The following CDK17 variants were observed in gnomAD, a reference collection of about 807,000 sequenced individuals.
CDK17 encodes cyclin dependent kinase 17.
A neutral mutation model predicts 77.6 loss-of-function variants in CDK17; 24 were observed. The observed-to-expected ratio is 0.31, with a 90% CI of 0.22 to 0.44. CDK17 has a LOEUF of 0.44. Ranked by LOEUF, CDK17 falls within the 20% of genes least tolerant of loss-of-function variation. The probability of loss-of-function intolerance (pLI) is 1.00; values close to 1 mark genes in which losing one functional copy is unlikely to be tolerated. For missense variants in CDK17, 429 were observed against 622.5 expected, an observed-to-expected ratio of 0.69 and a Z score of 3.31; for synonymous variants, 203 against 210.4, an observed-to-expected ratio of 0.96 and a Z score of 0.30.
At chr12:96,333,709 C>T (rs1156659045) in intron 2 of CDK17, among the ~76,000 whole-genome samples, 3 of 149,986 alleles carry the variant, frequency 2.0e-5, no homozygotes, top group Admixed American at 6.7e-5. Flanking sequence ...TCAAGGAAAA[C>T]CTTAACAAAT....
chr12:96,385,303 GACTCTGTCT>G (rs1157915518), intron 1 of CDK17, among the ~76,000 whole-genome samples: 1 of 152,058 alleles, frequency 6.6e-6, no homozygotes, highest in Non-Finnish European at 1.5e-5. Flanking sequence ...GACAGAGTGA[GACTCTGTCT>G]CAAAAAACAA....
At chr12:96,280,766 A>T in intron 16 of CDK17, 42 bp downstream of exon 16, 1 of 1,602,026 alleles carries the variant, frequency 6.2e-7, no homozygotes, top group Non-Finnish European at 8.5e-7. Flanking sequence ...TTCCACGCAA[A>T]AATTCATGAT....
rs575939438 is a variant in CDK17, at chr12:96,317,278, C to A, written c.284-3824G>T. Among the ~76,000 whole-genome samples, 185 of 142,378 alleles carry A rather than the reference C, an allele frequency of 1.3e-3. 1 individual carries two copies. The highest frequency in any genetic ancestry group is 4.6e-3 in the African/African-American group (180 of 38,844). 93.4% of individuals were successfully genotyped at this position (142,378 alleles called of 152,430 possible). A position where few individuals can be genotyped will look rare whatever the true frequency, so the allele number is the denominator to read the frequency against. ...GAATAAAAAGAAATGAGCAAAGCCT[C>A]CAAGAAATATGGGACTATGTGAAAA... On this transcript the variant is annotated intron_variant, in intron 3 of 16. Coordinates refer to ENST00000261211, the MANE Select transcript of CDK17 (RefSeq NM_002595.5).
intron 1 of CDK17, among the ~76,000 whole-genome samples, chr12:96,345,793 GA>G (rs955669904): frequency 2.7e-5 from 4 of 150,300 alleles, no homozygotes; most frequent in African/African-American, 7.3e-5. Context: ...TTACAGAAAA[GA>G]AAAAAAACAA....
intron 3 of CDK17, among the ~76,000 whole-genome samples, chr12:96,317,572 G>A (rs2137115945): frequency 8.1e-6 from 1 of 123,290 alleles, no homozygotes; most frequent in Non-Finnish European, 1.7e-5. Flanking sequence ...CCCTCAAAGG[G>A]AAGCCCATCA....
chr12:96,334,277 T>C (rs1165180913), intron 2 of CDK17, among the ~76,000 whole-genome samples: 6 of 152,252 alleles, frequency 3.9e-5, no homozygotes, highest in Non-Finnish European at 8.8e-5. Flanking sequence ...ACTACTACTT[T>C]ATGTTGTAAA....
In CDK17 at chr12:96,286,033, A is replaced by G; in HGVS notation, c.1322+10T>C. The G allele has an allele frequency of 6.9e-7, 1 of 1,452,638 alleles. No individual in the cohort carries two copies. The highest frequency in any genetic ancestry group is 9.6e-7 in the Non-Finnish European group (1 of 1,041,642). The allele number at this position is 1,452,638 out of a possible 1,614,324, so 90.0% of individuals were successfully genotyped here. ...TGTTTTCCCCCCTTTCACATAAGAA[A>G]AAAAAATACCTGGGTGCGTGGTTAA... On this transcript the variant is annotated intron_variant, in intron 13 of 16. Transcript: ENST00000261211.
At chr12:96,338,402 G>C (rs769376352) in intron 1 of CDK17, among the ~76,000 whole-genome samples, 1 of 152,088 alleles carries the variant, frequency 6.6e-6, no homozygotes, top group Non-Finnish European at 1.5e-5. Context: ...TGAGTCCTTC[G>C]AGCAAATCAT....
Position 96,298,989 on chromosome 12 carries a change from AAATAT to A in CDK17, c.601-11_601-7del. 1 of 1,381,770 alleles carries A rather than the reference AAATAT, an allele frequency of 7.2e-7. No homozygotes were observed. Among genetic ancestry groups the A allele is most frequent in the Non-Finnish European group, 1.0e-6 (1 of 980,234 alleles). 85.6% of individuals were successfully genotyped at this position (1,381,770 alleles called of 1,614,324 possible). A position where few individuals can be genotyped will look rare whatever the true frequency, so the allele number is the denominator to read the frequency against. ...TATACTGTTGCATATGTACCCTATA[AAATAT>A]ATTTTTAAAGGACGCATCAAAAGTA... On this transcript the variant is annotated splice_polypyrimidine_tract_variant and splice_region_variant and intron_variant, in intron 6 of 16. Coordinates refer to ENST00000261211, the MANE Select transcript of CDK17 (RefSeq NM_002595.5).
At chr12:96,345,181 G>C (rs1299458145) in intron 1 of CDK17, among the ~76,000 whole-genome samples, 1 of 152,184 alleles carries the variant, frequency 6.6e-6, no homozygotes, top group Non-Finnish European at 1.5e-5. Context: ...TGGCTGAATA[G>C]TATTCCATGG....
chr12:96,379,617 C>T (rs926495311), intron 1 of CDK17, among the ~76,000 whole-genome samples: 15 of 151,762 alleles, frequency 9.9e-5, no homozygotes, highest in African/African-American at 3.1e-4. Flanking sequence ...TTTGTAGAGA[C>T]GGGGATCTCA....
Position 96,346,192 on chromosome 12 carries a change from C to T in CDK17, c.-29-11327G>A, listed in dbSNP as rs569120597. On this transcript the variant is annotated intron_variant, in intron 1 of 16. Transcript: ENST00000261211. ...AATTGGCCAGGTGCAGTGGCTCACG[C>T]CTGTAATCCCAGCACTTTGGAAGGC... Among the ~76,000 whole-genome samples, 4 of 152,214 alleles carry T rather than the reference C, an allele frequency of 2.6e-5. No homozygotes were observed. The South Asian group carries it at 8.3e-4, about 32-fold the overall frequency.
At chr12:96,316,045 C>T (rs897179580) in intron 3 of CDK17, among the ~76,000 whole-genome samples, 6 of 152,136 alleles carry the variant, frequency 3.9e-5, no homozygotes, top group South Asian at 2.1e-4. Context: ...TCTGAGGTAC[C>T]GGGTTCATCT....
chr12:96,370,070 T>TA (rs1416370276), intron 1 of CDK17, among the ~76,000 whole-genome samples: 4 of 152,082 alleles, frequency 2.6e-5, no homozygotes, highest in Non-Finnish European at 5.9e-5. Flanking sequence ...ATTTTAAAAA[T>TA]AAAAAAAGTC....
At position 96,399,332 on chromosome 12, in the gene CDK17, A is replaced by AC. The variant is rs1195184888; in HGVS notation, c.-30+653dup. On this transcript the variant is annotated intron_variant, in intron 1 of 16. Coordinates refer to ENST00000261211, the MANE Select transcript of CDK17 (RefSeq NM_002595.5). ...TCCCCATCGGTTTGCTGGGTTTCCC[A>AC]CCTTCCCTCTACCTCCGCTCTTGAC... is the stretch of plus-strand genomic sequence containing the variant. 2.6e-5 allele frequency: 4 copies of AC among 151,618 alleles called. No homozygotes were observed. In the East Asian group the frequency reaches 7.8e-4, roughly 29 times the overall value. 9.4% of individuals were successfully genotyped at this position (151,618 alleles called of 1,614,324 possible). A position where few individuals can be genotyped will look rare whatever the true frequency, so the allele number is the denominator to read the frequency against.
At chr12:96,397,000 T>A (rs1954180792) in intron 1 of CDK17, among the ~76,000 whole-genome samples, 1 of 152,148 alleles carries the variant, frequency 6.6e-6, no homozygotes, top group South Asian at 2.1e-4. Context: ...GACATCGTCA[T>A]CTCCACTTTT....
At chr12:96,397,161 T>C (rs575083354) in intron 1 of CDK17, among the ~76,000 whole-genome samples, 2 of 152,346 alleles carry the variant, frequency 1.3e-5, no homozygotes, top group East Asian at 3.8e-4. Context: ...ATATGCCATC[T>C]AGTTTCGCCA....
At chr12:96,375,052 C>T (rs1953756295) in intron 1 of CDK17, among the ~76,000 whole-genome samples, 1 of 152,158 alleles carries the variant, frequency 6.6e-6, no homozygotes, top group Non-Finnish European at 1.5e-5. Flanking sequence ...TGGTCTCCTA[C>T]TCTCCCCAAT....
At chr12:96,357,287 C>T (rs1299648361) in intron 1 of CDK17, among the ~76,000 whole-genome samples, 4 of 152,164 alleles carry the variant, frequency 2.6e-5, no homozygotes, top group Admixed American at 1.3e-4. Flanking sequence ...CAGTGAGACC[C>T]TCAATTCTAC....
Sources: gnomAD v4.1 joint callset for allele counts (sites outside exome capture counted in the v4.1 genomes callset) on GRCh38, gnomAD v4.1.1 for gene constraint, MANE v1.5 for transcripts, NCBI Gene and HGNC (gene_info 2026-07-23, HGNC 2026-07-21) for gene names.